The following LHPP variants were observed in gnomAD, a reference collection of about 807,000 sequenced individuals.
LHPP encodes the protein phospholysine phosphohistidine inorganic pyrophosphate phosphatase.
A neutral mutation model predicts 30.3 loss-of-function variants in LHPP; 24 were observed. The observed-to-expected ratio is 0.79, with a 90% confidence interval of 0.57 to 1.11. The LOEUF (loss-of-function observed/expected upper bound fraction) is 1.11. LHPP is among the 50% of genes most tolerant of loss of function. LHPP has a pLI of 0.00. For missense variants in LHPP, 356 were observed against 367.2 expected, an observed-to-expected ratio of 0.97 and a Z score of 0.25; for synonymous variants, 150 against 157.1, an observed-to-expected ratio of 0.95 and a Z score of 0.34.
intron 6 of LHPP, 138 bp from the exon 7 acceptor site, chr10:124,613,126 C>T: frequency 1.4e-6 from 1 of 711,878 alleles, no homozygotes; most frequent in Non-Finnish European, 2.5e-6. Flanking sequence ...TGGCCAGTGG[C>T]CACGGGCCAG....
At chr10:124,597,604 C>A (rs11599255) in intron 6 of LHPP, among the ~76,000 whole-genome samples, 14,478 of 152,246 alleles carry the variant, frequency 0.095, 969 homozygotes, top group Non-Finnish European at 0.14. Context: ...CGCCTCCCTG[C>A]CCCCCTGCTT....
intron 1 of LHPP, among the ~76,000 whole-genome samples, chr10:124,483,652 G>A (rs984905213): frequency 6.6e-6 from 1 of 152,180 alleles, no homozygotes; most frequent in African/African-American, 2.4e-5. Context: ...AGCTGCTCTG[G>A]AGGCTGAGGC....
chr10:124,579,691 C>T (rs7077413), intron 6 of LHPP, among the ~76,000 whole-genome samples: 37,060 of 152,076 alleles, frequency 0.24, 4,727 homozygotes, highest in East Asian at 0.36. Flanking sequence ...TCCAGGTCTG[C>T]TCTGGTGGGT....
rs2134026160 is a variant in LHPP at position 124,613,478 on chromosome 10, T to TCTCCTCCACCCGCCCAGGAGAGCCCCGC, written c.*129_*130insGCCCAGGAGAGCCCCGCCTCCTCCACCC. 3.1e-6 allele frequency: 2 copies of TCTCCTCCACCCGCCCAGGAGAGCCCCGC among 646,840 alleles called. No individual in the cohort carries two copies. Among genetic ancestry groups the TCTCCTCCACCCGCCCAGGAGAGCCCCGC allele is most frequent in the East Asian group, 5.8e-5 (2 of 34,734 alleles). The allele number at this position is 646,840 out of a possible 1,614,324, so 40.1% of individuals were successfully genotyped here. A position where few individuals can be genotyped will look rare whatever the true frequency, so the allele number is the denominator to read the frequency against. ...GAGCCCCACCTCCTCCACCCCTGCC[T>TCTCCTCCACCCGCCCAGGAGAGCCCCGC]CTCCTCCACCCCTGCCTCCCCTCCA... On this transcript the variant is annotated 3_prime_UTR_variant, in exon 7 of 7. Coordinates refer to ENST00000368842, the MANE Select transcript of LHPP (RefSeq NM_022126.4).
intron 5 of LHPP, among the ~76,000 whole-genome samples, chr10:124,511,875 A>G (rs1373780602): frequency 1.3e-5 from 2 of 152,126 alleles, no homozygotes; most frequent in African/African-American, 4.8e-5. Context: ...GGAGATGGGT[A>G]GTGAACACGT....
chr10:124,506,263 A>ACCCCCCCCCCCCCCCCCCCCCCCCC (rs539116106), intron 5 of LHPP, among the ~76,000 whole-genome samples: 2 of 86,334 alleles, frequency 2.3e-5, no homozygotes, highest in African/African-American at 4.5e-5. Context: ...AAAACAACAA[A>ACCCCCCCCCCCCCCCCCCCCCCCCC]CCCCCCCCCC....
At chr10:124,574,564 C>G (rs939068554) in intron 6 of LHPP, among the ~76,000 whole-genome samples, 1 of 152,264 alleles carries the variant, frequency 6.6e-6, no homozygotes, top group Non-Finnish European at 1.5e-5. Context: ...AACCCGGCAC[C>G]TGTGCTGACC....
At chr10:124,602,329 G>T (rs113664296) in intron 6 of LHPP, among the ~76,000 whole-genome samples, 1 of 152,254 alleles carries the variant, frequency 6.6e-6, no homozygotes, top group Admixed American at 6.5e-5. Context: ...AGAGCACATA[G>T]AGACGCCACC....
intron 5 of LHPP, chr10:124,498,636 T>G: frequency 1.6e-6 from 1 of 630,384 alleles, no homozygotes; most frequent in East Asian, 3.1e-5. Flanking sequence ...GGCTTCGTCC[T>G]CCAGTGGGTT....
intron 6 of LHPP, among the ~76,000 whole-genome samples, chr10:124,552,054 C>T (rs1466155632): frequency 6.6e-6 from 1 of 152,062 alleles, no homozygotes; most frequent in Non-Finnish European, 1.5e-5. Context: ...TGGGACTTCC[C>T]AGTGCCCCAT....
intron 6 of LHPP, among the ~76,000 whole-genome samples, chr10:124,570,927 C>G (rs527285456): frequency 6.6e-6 from 1 of 152,300 alleles, no homozygotes; most frequent in African/African-American, 2.4e-5. Context: ...ACCCAAATCT[C>G]GTCTCGAATT....
chr10:124,570,391 G>A (rs1414490006), intron 6 of LHPP, among the ~76,000 whole-genome samples: 1 of 152,254 alleles, frequency 6.6e-6, no homozygotes, highest in East Asian at 1.9e-4. Context: ...TGGAATGAAG[G>A]GGACAGTCGG....
intron 1 of LHPP, among the ~76,000 whole-genome samples, chr10:124,463,870 G>T (rs1952480545): frequency 6.9e-6 from 1 of 144,950 alleles, no homozygotes; most frequent in Admixed American, 7.1e-5. Context: ...CACCCAGGCT[G>T]GAGTGCAGTG....
chr10:124,480,323 A>G (rs954401522), intron 1 of LHPP, among the ~76,000 whole-genome samples: 3 of 152,208 alleles, frequency 2.0e-5, no homozygotes, highest in African/African-American at 4.8e-5. Context: ...AGCACTTGAT[A>G]TTATAAGAGC....
intron 6 of LHPP, among the ~76,000 whole-genome samples, chr10:124,520,883 G>A (rs1954594037): frequency 6.6e-6 from 1 of 152,216 alleles, no homozygotes; most frequent in Non-Finnish European, 1.5e-5. Context: ...TGGGGAGAAA[G>A]GATTGTGAAA....
At chr10:124,589,788 C>T (rs2134000081) in intron 6 of LHPP, among the ~76,000 whole-genome samples, 1 of 152,340 alleles carries the variant, frequency 6.6e-6, no homozygotes, top group Middle Eastern at 3.4e-3. Flanking sequence ...TTCAGGCCTG[C>T]AGGGTCCCTG....
intron 1 of LHPP, among the ~76,000 whole-genome samples, chr10:124,482,044 G>A (rs189403300): frequency 6.6e-6 from 1 of 152,302 alleles, no homozygotes; most frequent in Non-Finnish European, 1.5e-5. Flanking sequence ...GAAAGCCCTT[G>A]ACATTTCTGG....
chr10:124,560,952 AAAACCCTGGACGTCAGTTATG>A lies in LHPP; in HGVS notation c.716+43686_716+43706del, dbSNP rs1948385924. Reference sequence around the variant, plus strand: ...CTATTCCTCCTGCCAAGTGCAATGAAAAACCCTGGACGTCAGTTATGAAACAAACAGAAGAGGCTGAAAGGA... The same window carrying A: ...CTATTCCTCCTGCCAAGTGCAATGAAAAACAAACAGAAGAGGCTGAAAGGA... On this transcript the variant is annotated intron_variant, in intron 6 of 6. Coordinates refer to ENST00000368842, the MANE Select transcript of LHPP (RefSeq NM_022126.4). Among the ~76,000 whole-genome samples, 3 of 152,174 alleles carry A rather than the reference AAAACCCTGGACGTCAGTTATG, an allele frequency of 2.0e-5. No homozygotes were observed. In the East Asian group the frequency reaches 5.8e-4, roughly 29 times the overall value.
intron 1 of LHPP, among the ~76,000 whole-genome samples, chr10:124,474,711 T>C (rs75925445): frequency 0.011 from 1,705 of 152,126 alleles, 23 homozygotes; most frequent in Non-Finnish European, 0.018. Flanking sequence ...CCTCTCAGAC[T>C]GTCAAGAGGA....
Sources: gnomAD v4.1 joint callset for allele counts (sites outside exome capture counted in the v4.1 genomes callset) on GRCh38, gnomAD v4.1.1 for gene constraint, MANE v1.5 for transcripts, NCBI Gene and HGNC (gene_info 2026-07-23, HGNC 2026-07-21) for gene names.